Variants in PDCL2 observed in about 807,000 individuals in gnomAD.
The protein encoded by PDCL2 is phosducin-like protein 2.
Under a neutral mutation model 30.3 loss-of-function variants are expected in PDCL2, and 23 were observed. The observed-to-expected ratio is 0.76, with a 90% CI of 0.55 to 1.08. The LOEUF (loss-of-function observed/expected upper bound fraction) is 1.08. Ranked by LOEUF, PDCL2 falls within the 50% of genes least tolerant of loss-of-function variation. The probability of loss-of-function intolerance (pLI) is 0.00; values close to 1 mark genes in which losing one functional copy is unlikely to be tolerated. For missense variants in PDCL2, 243 were observed against 282.3 expected, an observed-to-expected ratio of 0.86 and a Z score of 1.00; for synonymous variants, 68 against 86.2, an observed-to-expected ratio of 0.79 and a Z score of 1.17.
Position 55,562,626 on chromosome 4 carries a change from C to T in PDCL2, c.363-14G>A, listed in dbSNP as rs1257183319. 9.8e-6 allele frequency: 15 copies of T among 1,524,278 alleles called. No homozygotes were observed. In the East Asian group the frequency reaches 1.2e-4, roughly 12 times the overall value. 94.4% of individuals were successfully genotyped at this position (1,524,278 alleles called of 1,614,324 possible). On this transcript the variant is annotated splice_polypyrimidine_tract_variant and intron_variant, in intron 4 of 5. Coordinates refer to ENST00000295645, the MANE Select transcript of PDCL2 (RefSeq NM_152401.3). ...CACATTGGGATGCTAAAAAGAGAAA[C>T]AGTACACACAATCTTTAATAAATGG... is the stretch of plus-strand genomic sequence containing the variant.
chr4:55,591,557 T>C (rs986101672), intron 1 of PDCL2, among the ~76,000 whole-genome samples: 2 of 152,182 alleles, frequency 1.3e-5, no homozygotes, highest in African/African-American at 4.8e-5. Context: ...CAGGTAATTT[T>C]TGTATTTTTA....
At chr4:55,591,332 A>G (rs149398080) in intron 1 of PDCL2, among the ~76,000 whole-genome samples, 18 of 151,210 alleles carry the variant, frequency 1.2e-4, no homozygotes, top group African/African-American at 3.6e-4. Context: ...ATTAATAAGG[A>G]ACCATTAGAC....
At chr4:55,556,761 AT>A in intron 5 of PDCL2, 50 bp from the exon 6 acceptor site, 1 of 1,373,618 alleles carries the variant, frequency 7.3e-7, no homozygotes. Context: ...AAAATGAATA[AT>A]TTTTCATCTA....
chr4:55,586,596 T>A (rs1180943269), intron 1 of PDCL2, among the ~76,000 whole-genome samples: 2 of 152,208 alleles, frequency 1.3e-5, no homozygotes, highest in African/African-American at 2.4e-5. Context: ...ATTTGGGTAG[T>A]TTTCACTTTT....
At chr4:55,575,164 G>A (rs1320344429) in intron 3 of PDCL2, among the ~76,000 whole-genome samples, 1 of 152,134 alleles carries the variant, frequency 6.6e-6, no homozygotes, top group African/African-American at 2.4e-5. Flanking sequence ...ACACCCAGTT[G>A]GTGTCCAGAA....
At chr4:55,587,216 T>TAAAA (rs869107656) in intron 1 of PDCL2, among the ~76,000 whole-genome samples, 33 of 62,834 alleles carry the variant, frequency 5.3e-4, no homozygotes, top group African/African-American at 2.2e-3. Context: ...GACAGAATAG[T>TAAAA]AAAAAAAAAA....
intron 1 of PDCL2, among the ~76,000 whole-genome samples, chr4:55,587,534 TTG>T (rs1732894947): frequency 6.6e-6 from 1 of 151,966 alleles, no homozygotes; most frequent in Non-Finnish European, 1.5e-5. Context: ...ATTCTGTGGG[TTG>T]TCTTTTTTCT....
At chr4:55,559,573 T>A (rs1732071903) in intron 5 of PDCL2, among the ~76,000 whole-genome samples, 1 of 152,202 alleles carries the variant, frequency 6.6e-6, no homozygotes, top group Admixed American at 6.5e-5. Flanking sequence ...ATACTTAAGT[T>A]AAAGCATAAC....
intron 2 of PDCL2, among the ~76,000 whole-genome samples, chr4:55,581,183 T>C (rs945518724): frequency 6.6e-6 from 1 of 152,062 alleles, no homozygotes; most frequent in South Asian, 2.1e-4. Flanking sequence ...TAATCCTAGC[T>C]ACTCGGGAGG....
chr4:55,581,571 C>T (rs1226915977), intron 2 of PDCL2, among the ~76,000 whole-genome samples: 2 of 152,150 alleles, frequency 1.3e-5, no homozygotes, highest in African/African-American at 4.8e-5. Flanking sequence ...GAGAAGAAAG[C>T]TCACTTGGTT....
intron 4 of PDCL2, among the ~76,000 whole-genome samples, chr4:55,563,833 G>A (rs111732824): frequency 0.034 from 5,152 of 152,290 alleles, 105 homozygotes; most frequent in Non-Finnish European, 0.054. Flanking sequence ...CAAAAGTGGT[G>A]TTGTTATGTA....
At chr4:55,589,559 C>T (rs1417644285) in intron 1 of PDCL2, among the ~76,000 whole-genome samples, 2 of 152,158 alleles carry the variant, frequency 1.3e-5, no homozygotes, top group Non-Finnish European at 2.9e-5. Flanking sequence ...AGATATCCTT[C>T]CCTGAATTCT....
chr4:55,562,826 T>C (rs1732169394), intron 4 of PDCL2, among the ~76,000 whole-genome samples: 1 of 150,926 alleles, frequency 6.6e-6, no homozygotes, highest in Non-Finnish European at 1.5e-5. Context: ...GGAATGAAGC[T>C]AGCTACCATG....
At chr4:55,574,809 T>G (rs1209323772) in intron 3 of PDCL2, among the ~76,000 whole-genome samples, 2 of 152,248 alleles carry the variant, frequency 1.3e-5, no homozygotes, top group African/African-American at 4.8e-5. Flanking sequence ...TATGGCTGAA[T>G]AGTATTCCAC....
intron 1 of PDCL2, among the ~76,000 whole-genome samples, chr4:55,590,230 T>TTTG (rs1371599595): frequency 7.4e-6 from 1 of 135,880 alleles, no homozygotes; most frequent in Non-Finnish European, 1.6e-5. Flanking sequence ...AAGAGTAAGG[T>TTTG]TTGTTGTGCG....
chr4:55,556,785 GTTGACTCTTAGTAATATTACCATGGAA>G, intron 5 of PDCL2, 74 bp from the exon 6 acceptor site: 2 of 1,193,878 alleles, frequency 1.7e-6, no homozygotes. Flanking sequence ...TGAAACAAGA[GTTGACTCTTAGTAATATTACCATGGAA>G]ATGATGATAT....
chr4:55,563,005 T>G (rs1005970695), intron 4 of PDCL2, among the ~76,000 whole-genome samples: 16 of 152,134 alleles, frequency 1.1e-4, no homozygotes, highest in Admixed American at 1.3e-4. Flanking sequence ...ATCATGAGCT[T>G]CTTTCCATGT....
At chr4:55,562,739 C>A (rs1399431511) in intron 4 of PDCL2, 127 bp from the exon 5 acceptor site, 2 of 596,278 alleles carry the variant, frequency 3.4e-6, no homozygotes, top group Non-Finnish European at 5.6e-6. Flanking sequence ...TTATTATCAT[C>A]CTCTATTGTT....
At chr4:55,583,004 C>T (rs1483056691) in intron 1 of PDCL2, among the ~76,000 whole-genome samples, 1 of 151,976 alleles carries the variant, frequency 6.6e-6, no homozygotes, top group Non-Finnish European at 1.5e-5. Context: ...CAGAGAGATT[C>T]TTGCTCTATC....
Sources: gnomAD v4.1 joint callset for allele counts (sites outside exome capture counted in the v4.1 genomes callset) on GRCh38, gnomAD v4.1.1 for gene constraint, MANE v1.5 for transcripts, NCBI Gene and HGNC (gene_info 2026-07-23, HGNC 2026-07-21) for gene names.